The following NT5DC3 variants were observed in gnomAD, a reference collection of about 807,000 sequenced individuals.
NT5DC3 encodes the protein 5'-nucleotidase domain containing 3.
Under a neutral mutation model 67.8 loss-of-function variants are expected in NT5DC3, and 42 were observed. The observed-to-expected ratio is 0.62, with a 90% confidence interval of 0.48 to 0.80. The LOEUF (loss-of-function observed/expected upper bound fraction) is 0.80. Ranked by LOEUF, NT5DC3 falls within the 30% of genes least tolerant of loss-of-function variation. The pLI is 0.00. For missense variants in NT5DC3, 570 were observed against 696.4 expected (o/e 0.82, Z 2.04); for synonymous variants, 237 against 255.6 (o/e 0.93, Z 0.69).
intron 12 of NT5DC3, among the ~76,000 whole-genome samples, chr12:103,784,631 C>T (rs1885689544): frequency 6.6e-6 from 1 of 152,178 alleles, no homozygotes; most frequent in South Asian, 2.1e-4. Flanking sequence ...GTAGCCCAGG[C>T]AAGCTGGAGC....
chr12:103,829,499 A>C (rs1421223416), intron 1 of NT5DC3, among the ~76,000 whole-genome samples: 4 of 152,196 alleles, frequency 2.6e-5, no homozygotes, highest in Non-Finnish European at 5.9e-5. Flanking sequence ...CCATTCTATT[A>C]ATCTCAACCT....
the NT5DC3 span, among the ~76,000 whole-genome samples, chr12:103,749,842 A>C: frequency 5.8e-5 from 1 of 17,184 alleles, no homozygotes; most frequent in East Asian, 2.9e-3. Context: ...TCTGTCTCAC[A>C]AAAAAAAAAA....
In NT5DC3 at chr12:103,817,130, T is replaced by C. The variant is rs555654576; in HGVS notation, c.209-2009A>G. ...TGAATGCAGAGAGAGACAGCAGTTC[T>C]CTAGGCCTAATGATGATGGAGAAAC... On this transcript the variant is annotated intron_variant, in intron 1 of 13. Coordinates refer to ENST00000392876, the MANE Select transcript of NT5DC3 (RefSeq NM_001031701.3). Among the ~76,000 whole-genome samples the C allele has an allele frequency of 2.0e-5, 3 of 151,592 alleles. No homozygotes were observed. In the South Asian group the frequency reaches 6.3e-4, roughly 32 times the overall value.
chr12:103,817,197 C>T (rs1050883085), intron 1 of NT5DC3, among the ~76,000 whole-genome samples: 1 of 152,052 alleles, frequency 6.6e-6, no homozygotes, highest in Non-Finnish European at 1.5e-5. Flanking sequence ...GCCTCCATGG[C>T]CATATCCTAG....
At chr12:103,759,202 A>G in the NT5DC3 span, 1 of 1,614,180 alleles carries the variant, frequency 6.2e-7, no homozygotes, top group Non-Finnish European at 8.5e-7. Context: ...TGACCTTGTC[A>G]ATGGCACCAC....
At chr12:103,811,071 G>T (rs543227055) in intron 2 of NT5DC3, among the ~76,000 whole-genome samples, 1 of 152,146 alleles carries the variant, frequency 6.6e-6, no homozygotes, top group Non-Finnish European at 1.5e-5. Context: ...CAGAACTCAC[G>T]GATGCAGATG....
At chr12:103,798,714 T>C in intron 4 of NT5DC3, 37 bp from the exon 5 acceptor site, 1 of 1,415,376 alleles carries the variant, frequency 7.1e-7, no homozygotes, top group Non-Finnish European at 1.0e-6. Context: ...AGAGCTCAAC[T>C]AGAGAAACCA....
At chr12:103,748,014 A>T in the NT5DC3 span, among the ~76,000 whole-genome samples, 3 of 149,856 alleles carry the variant, frequency 2.0e-5, no homozygotes, top group South Asian at 6.3e-4. Flanking sequence ...AAAAAAAAAA[A>T]GGGAAGAAGA....
At chr12:103,799,166 T>G (rs1205072531) in intron 4 of NT5DC3, among the ~76,000 whole-genome samples, 2 of 152,224 alleles carry the variant, frequency 1.3e-5, no homozygotes, top group East Asian at 3.8e-4. Flanking sequence ...GTGGGCTGGC[T>G]TTTGTTTTAA....
chr12:103,770,717 T>G (rs1161687431), downstream of NT5DC3: 1 of 152,274 alleles, frequency 6.6e-6, no homozygotes, highest in East Asian at 1.9e-4. Context: ...ATTACAAGCA[T>G]GAGCCACTGC....
chr12:103,746,870 G>C, the NT5DC3 span, among the ~76,000 whole-genome samples: 1 of 151,594 alleles, frequency 6.6e-6, no homozygotes, highest in Non-Finnish European at 1.5e-5. Flanking sequence ...GCTCATGCTT[G>C]ATCTGCTCAC....
chr12:103,762,973 T>C, the NT5DC3 span, among the ~76,000 whole-genome samples: 3 of 152,204 alleles, frequency 2.0e-5, no homozygotes, highest in African/African-American at 7.2e-5. Flanking sequence ...TGTCCTCCTC[T>C]CTGGCCCACC....
chr12:103,813,300 G>A (rs1887111819), intron 2 of NT5DC3, among the ~76,000 whole-genome samples: 1 of 152,198 alleles, frequency 6.6e-6, no homozygotes, highest in Admixed American at 6.5e-5. Flanking sequence ...CATGATCCAG[G>A]CAAAGGACCG....
intron 2 of NT5DC3, among the ~76,000 whole-genome samples, chr12:103,813,969 T>A (rs1887140625): frequency 6.6e-6 from 1 of 152,216 alleles, no homozygotes; most frequent in South Asian, 2.1e-4. Context: ...GGCTGAAATA[T>A]CACCTTCTTC....
the NT5DC3 span, chr12:103,763,328 A>G: frequency 4.7e-6 from 3 of 644,532 alleles, no homozygotes; most frequent in Non-Finnish European, 8.3e-6. Context: ...AGCTGAATCT[A>G]AAGGTTGGTA....
At chr12:103,793,110 T>G (rs916014481) in intron 9 of NT5DC3, 54 bp downstream of exon 9, 1 of 1,211,134 alleles carries the variant, frequency 8.3e-7, no homozygotes, top group Non-Finnish European at 1.2e-6. Flanking sequence ...ACCATCTATA[T>G]ATTCACAGCA....
intron 1 of NT5DC3, among the ~76,000 whole-genome samples, chr12:103,830,390 T>C (rs1003104445): frequency 5.3e-5 from 8 of 152,364 alleles, no homozygotes; most frequent in Non-Finnish European, 8.8e-5. Flanking sequence ...GGATTTGCTT[T>C]GCATTCTAAA....
At position 103,773,592 on chromosome 12, in the gene NT5DC3, A is replaced by T. The variant is rs1885245240; in HGVS notation, c.*4237T>A. Reference sequence around the variant, plus strand: ...GTACAAAAGAAAGTCGATATTAAGAAGGCAAAATGTAGGTTCTCTATTAGT... The same window carrying T: ...GTACAAAAGAAAGTCGATATTAAGATGGCAAAATGTAGGTTCTCTATTAGT... On this transcript the variant is annotated 3_prime_UTR_variant, in exon 14 of 14. Coordinates refer to ENST00000392876, the MANE Select transcript of NT5DC3 (RefSeq NM_001031701.3). The T allele has an allele frequency of 6.6e-6, 1 of 152,270 alleles. No homozygotes were observed. Among genetic ancestry groups the T allele is most frequent in the Non-Finnish European group, 1.5e-5 (1 of 68,058 alleles). The allele number at this position is 152,270 out of a possible 1,614,324, so 9.4% of individuals were successfully genotyped here.
intron 9 of NT5DC3, among the ~76,000 whole-genome samples, chr12:103,792,029 A>C (rs1366468393): frequency 6.6e-6 from 1 of 152,138 alleles, no homozygotes; most frequent in Non-Finnish European, 1.5e-5. Flanking sequence ...TCCTCTAATA[A>C]GCGCTTTGCA....
Sources: gnomAD v4.1 joint callset for allele counts (sites outside exome capture counted in the v4.1 genomes callset) on GRCh38, gnomAD v4.1.1 for gene constraint, MANE v1.5 for transcripts, NCBI Gene and HGNC (gene_info 2026-07-23, HGNC 2026-07-21) for gene names.